The following FRYL variants were observed in gnomAD, a reference collection of about 807,000 sequenced individuals.
FRYL encodes the protein protein furry homolog-like.
FRYL carries 150 observed loss-of-function variants against 351.2 expected under a neutral mutation model. That is an observed-to-expected ratio of 0.43 (90% CI 0.37 to 0.49). The LOEUF is 0.49. FRYL is among the 20% of genes least tolerant of loss of function. The probability of loss-of-function intolerance (pLI) is 0.00; values close to 1 mark genes in which losing one functional copy is unlikely to be tolerated. For missense variants in FRYL, 3,036 were observed against 3,619.3 expected (o/e 0.84, Z 4.13); for synonymous variants, 1,153 against 1,257.1 (o/e 0.92, Z 1.75).
Position 48,589,755 on chromosome 4 carries a change from C to CT in FRYL, c.1629dup (p.Asp544ArgfsTer12), listed in dbSNP as rs1742868471. ...TAATTTACTACATACGTAATCATGT[C>CT]TTCAGGCTCCTTATTAGACATCTGC... On this transcript the variant is annotated frameshift_variant, in exon 18 of 64. Transcript: ENST00000358350. LOFTEE classifies it high-confidence loss of function. The CT allele has an allele frequency of 6.2e-7, 1 of 1,613,090 alleles. No individual in the cohort carries two copies. The highest frequency in any genetic ancestry group is 2.2e-5 in the East Asian group (1 of 44,838).
chr4:48,569,325 A>G (rs1409376521), intron 27 of FRYL, among the ~76,000 whole-genome samples: 2 of 151,796 alleles, frequency 1.3e-5, no homozygotes, highest in African/African-American at 4.8e-5. Flanking sequence ...TTTTCTTTTG[A>G]GGCGGAGTTT....
At chr4:48,681,170 G>C in intron 3 of FRYL, 1 of 912,080 alleles carries the variant, frequency 1.1e-6, no homozygotes, top group Non-Finnish European at 1.4e-6. Context: ...ACACAGAAAG[G>C]TGCCTATACC....
chr4:48,539,852 A>G (rs766262960), intron 47 of FRYL, 119 bp downstream of exon 47: 72 of 694,370 alleles, frequency 1.0e-4, no homozygotes, highest in South Asian at 9.5e-5. Flanking sequence ...AAAAATTTAA[A>G]TGCAAAATTC....
chr4:48,510,031 T>C (rs747864906), intron 59 of FRYL, 28 bp downstream of exon 59: 2 of 1,527,180 alleles, frequency 1.3e-6, no homozygotes, highest in Non-Finnish European at 1.8e-6. Flanking sequence ...AGCAAACCAC[T>C]TTTCGCACAT....
chr4:48,698,752 C>T (rs1267705108), intron 2 of FRYL, among the ~76,000 whole-genome samples: 2 of 152,122 alleles, frequency 1.3e-5, no homozygotes, highest in African/African-American at 4.8e-5. Flanking sequence ...TTCCAGTACA[C>T]ATCCTGTAAC....
At chr4:48,542,589 G>C (rs566318632) in intron 44 of FRYL, among the ~76,000 whole-genome samples, 26 of 152,258 alleles carry the variant, frequency 1.7e-4, no homozygotes, top group African/African-American at 6.0e-4. Context: ...GCTAATTTTT[G>C]TATTTTTAGT....
intron 3 of FRYL, among the ~76,000 whole-genome samples, chr4:48,670,581 A>T (rs567189107): frequency 6.6e-6 from 1 of 151,084 alleles, no homozygotes; most frequent in Admixed American, 6.6e-5. Context: ...CCACTTCCCC[A>T]CTCCTAGCCT....
At chr4:48,502,494 G>A (rs1235196650) in intron 61 of FRYL, among the ~76,000 whole-genome samples, 4 of 149,192 alleles carry the variant, frequency 2.7e-5, no homozygotes, top group Non-Finnish European at 5.9e-5. Context: ...GCAGTGAGCC[G>A]AGATCATGCC....
At chr4:48,645,318 C>T (rs1011179972) in intron 3 of FRYL, among the ~76,000 whole-genome samples, 2 of 151,678 alleles carry the variant, frequency 1.3e-5, no homozygotes, top group African/African-American at 4.8e-5. Flanking sequence ...GCCCCTAGAA[C>T]AGGGCATAAA....
intron 1 of FRYL, among the ~76,000 whole-genome samples, chr4:48,759,122 C>A (rs1010697948): frequency 1.3e-5 from 2 of 152,006 alleles, no homozygotes; most frequent in African/African-American, 4.8e-5. Context: ...AGGAGATATA[C>A]CTAATGTAAA....
At chr4:48,571,966 A>C (rs1190262168) in intron 26 of FRYL, 1 of 985,398 alleles carries the variant, frequency 1.0e-6, no homozygotes, top group Non-Finnish European at 1.2e-6. Context: ...CAAGTCATCC[A>C]GCACTGTAAC....
chr4:48,777,524 C>G (rs943798211), intron 1 of FRYL, among the ~76,000 whole-genome samples: 1 of 152,158 alleles, frequency 6.6e-6, no homozygotes, highest in Admixed American at 6.5e-5. Context: ...CCAAGGATCT[C>G]AAGAAACAGT....
At chr4:48,771,959 A>T (rs1233762199) in intron 1 of FRYL, among the ~76,000 whole-genome samples, 1 of 152,238 alleles carries the variant, frequency 6.6e-6, no homozygotes, top group Non-Finnish European at 1.5e-5. Context: ...GACATGATTT[A>T]GAAAGGAATG....
At chr4:48,680,251 A>T (rs1232643018) in intron 3 of FRYL, among the ~76,000 whole-genome samples, 1 of 151,986 alleles carries the variant, frequency 6.6e-6, no homozygotes, top group Non-Finnish European at 1.5e-5. Context: ...TACTCCCTAA[A>T]ATTAAAAAAA....
chr4:48,733,200 G>A (rs531655688), intron 1 of FRYL, among the ~76,000 whole-genome samples: 59 of 151,798 alleles, frequency 3.9e-4, no homozygotes, highest in African/African-American at 1.3e-3. Flanking sequence ...GCTTGTACTC[G>A]GGAGGTGGAG....
At chr4:48,703,573 A>G (rs1560882326) in intron 2 of FRYL, among the ~76,000 whole-genome samples, 1 of 152,136 alleles carries the variant, frequency 6.6e-6, no homozygotes, top group Non-Finnish European at 1.5e-5. Flanking sequence ...ACTGTTTCCT[A>G]TGTCTGGAAG....
At chr4:48,610,502 T>A (rs1201549578) in intron 7 of FRYL, among the ~76,000 whole-genome samples, 1 of 151,482 alleles carries the variant, frequency 6.6e-6, no homozygotes, top group Non-Finnish European at 1.5e-5. Flanking sequence ...AAATAATGTA[T>A]CTTTCCATGT....
chr4:48,761,205 A>T (rs1774391391), intron 1 of FRYL, among the ~76,000 whole-genome samples: 1 of 152,112 alleles, frequency 6.6e-6, no homozygotes, highest in Non-Finnish European at 1.5e-5. Context: ...GCTATATTCC[A>T]TGTAGGCTTT....
intron 28 of FRYL, among the ~76,000 whole-genome samples, chr4:48,566,406 G>A (rs1736795309): frequency 1.6e-5 from 2 of 123,966 alleles, no homozygotes; most frequent in South Asian, 4.9e-4. Context: ...ATAAACCAAT[G>A]TGGAAGTTGT....
Sources: gnomAD v4.1 joint callset for allele counts (sites outside exome capture counted in the v4.1 genomes callset) on GRCh38, gnomAD v4.1.1 for gene constraint, MANE v1.5 for transcripts, NCBI Gene and HGNC (gene_info 2026-07-23, HGNC 2026-07-21) for gene names.